Variants in CHLSN observed in about 807,000 individuals in gnomAD.
CHLSN encodes cholesin.
chr7:1,012,719 G>A, the CHLSN span, among the ~76,000 whole-genome samples: 1 of 152,250 alleles, frequency 6.6e-6, no homozygotes, highest in Non-Finnish European at 1.5e-5. Context: ...GGCCTCAACA[G>A]AAGACGCAGG....
the CHLSN span, among the ~76,000 whole-genome samples, chr7:978,890 C>T: frequency 1.3e-5 from 2 of 152,242 alleles, no homozygotes; most frequent in African/African-American, 4.8e-5. Flanking sequence ...AGCTCCACTT[C>T]GGACTGGAGG....
the CHLSN span, among the ~76,000 whole-genome samples, chr7:1,071,754 G>A: frequency 1.3e-5 from 2 of 152,182 alleles, no homozygotes; most frequent in Admixed American, 6.5e-5. Context: ...GACCACATTC[G>A]GTGTCACCAG....
chr7:1,008,265 C>G, the CHLSN span, among the ~76,000 whole-genome samples: 16 of 152,290 alleles, frequency 1.1e-4, no homozygotes, highest in Non-Finnish European at 1.8e-4. Flanking sequence ...CACCTGGGCT[C>G]GAGACGCTGC....
chr7:1,037,534 C>T, the CHLSN span, among the ~76,000 whole-genome samples: 1 of 144,908 alleles, frequency 6.9e-6, no homozygotes, highest in Admixed American at 6.9e-5. Context: ...GACGGAGTCT[C>T]GTTCACTCAG....
At chr7:1,071,497 C>A in the CHLSN span, among the ~76,000 whole-genome samples, 6 of 152,052 alleles carry the variant, frequency 3.9e-5, no homozygotes, top group African/African-American at 1.4e-4. Context: ...CCACACAATA[C>A]ATTAAAAACC....
the CHLSN span, among the ~76,000 whole-genome samples, chr7:1,035,703 G>A: frequency 1.3e-5 from 2 of 152,130 alleles, no homozygotes; most frequent in Non-Finnish European, 2.9e-5. Context: ...ACTGCAAAAT[G>A]GCACAGTCAC....
At chr7:982,839 C>T in the CHLSN span, among the ~76,000 whole-genome samples, 1 of 152,240 alleles carries the variant, frequency 6.6e-6, no homozygotes, top group South Asian at 2.1e-4. Flanking sequence ...GGGCCTCGGC[C>T]CCAAAGCCCT....
At chr7:1,118,748 G>A in the CHLSN span, among the ~76,000 whole-genome samples, 48 of 130,236 alleles carry the variant, frequency 3.7e-4, no homozygotes, top group African/African-American at 1.2e-3. Flanking sequence ...AATCACTTGA[G>A]CCCAGGAGTT....
chr7:1,061,287 T>C, the CHLSN span, among the ~76,000 whole-genome samples: 8,251 of 152,198 alleles, frequency 0.054, 731 homozygotes, highest in African/African-American at 0.19. Flanking sequence ...AGGGACACCC[T>C]GCTGCCTGGT....
chr7:1,124,592 T>G, the CHLSN span, among the ~76,000 whole-genome samples: 5 of 135,174 alleles, frequency 3.7e-5, no homozygotes, highest in South Asian at 2.5e-4. Context: ...AGGGATAGCA[T>G]TGGGAGATAT....
chr7:1,070,474 C>T, the CHLSN span, among the ~76,000 whole-genome samples: 1 of 151,946 alleles, frequency 6.6e-6, no homozygotes, highest in Admixed American at 6.5e-5. Flanking sequence ...CATGCACGCA[C>T]ATACGCACAC....
chr7:1,052,722 C>T, the CHLSN span, among the ~76,000 whole-genome samples: 1 of 152,054 alleles, frequency 6.6e-6, no homozygotes, highest in African/African-American at 2.4e-5. This position sits in a 1 kb window ranked among gnomAD's most constrained non-coding sequence, Gnocchi z 4.2. Context: ...AATATCACCC[C>T]CGCCACCGGG....
the CHLSN span, among the ~76,000 whole-genome samples, chr7:1,022,452 G>A: frequency 1.3e-5 from 2 of 152,256 alleles, no homozygotes; most frequent in African/African-American, 4.8e-5. Context: ...ACTCACAGTA[G>A]TAAACTGCTT....
chr7:1,007,422 C>G, the CHLSN span, among the ~76,000 whole-genome samples: 3 of 152,248 alleles, frequency 2.0e-5, no homozygotes, highest in Non-Finnish European at 4.4e-5. Flanking sequence ...CAGCAGCCCC[C>G]AGGCTGAGGA....
chr7:1,046,364 C>T, the CHLSN span, among the ~76,000 whole-genome samples: 967 of 152,324 alleles, frequency 6.3e-3, 14 homozygotes, highest in African/African-American at 0.022. Flanking sequence ...GACGATCCCA[C>T]GGTGCTGTTT....
At chr7:1,044,543 G>A in the CHLSN span, 1 of 151,228 alleles carries the variant, frequency 6.6e-6, no homozygotes, top group Non-Finnish European at 1.5e-5. Context: ...GGGCGGGGCC[G>A]ACGGTCACGT....
the CHLSN span, among the ~76,000 whole-genome samples, chr7:1,126,234 G>A: frequency 6.6e-6 from 1 of 151,224 alleles, no homozygotes; most frequent in East Asian, 1.9e-4. Flanking sequence ...GGTGGTAGGC[G>A]CCTGTAGTCC....
the CHLSN span, among the ~76,000 whole-genome samples, chr7:993,926 A>G: frequency 7.0e-6 from 1 of 143,458 alleles, no homozygotes; most frequent in Non-Finnish European, 1.5e-5. Context: ...GAAACTGCTC[A>G]GAGGCCGCTT....
At chr7:1,096,613 GT>G in the CHLSN span, among the ~76,000 whole-genome samples, 1 of 152,248 alleles carries the variant, frequency 6.6e-6, no homozygotes, top group African/African-American at 2.4e-5. The surrounding 1 kb of genome is among the most constrained non-coding windows in gnomAD (Gnocchi z 4.6). Flanking sequence ...CTGCTCTGCT[GT>G]CTCCTGGTAA....
Sources: gnomAD v4.1 joint callset for allele counts (sites outside exome capture counted in the v4.1 genomes callset) on GRCh38, gnomAD v4.1.1 for gene constraint, Gnocchi (gnomAD v3.1) non-coding constraint, MANE v1.5 for transcripts, NCBI Gene and HGNC (gene_info 2026-07-23, HGNC 2026-07-21) for gene names.